SGCZ: variants seen among roughly 807,000 people sequenced by gnomAD.
SGCZ encodes the protein sarcoglycan zeta, also known as zeta-sarcoglycan.
SGCZ carries 40 observed loss-of-function variants against 41.3 expected under a neutral mutation model. That is an observed-to-expected ratio of 0.97 (90% CI 0.75 to 1.26). The LOEUF (loss-of-function observed/expected upper bound fraction) is 1.26. Ranked by LOEUF, SGCZ falls within the 50% of genes most tolerant of loss-of-function variation. SGCZ has a pLI of 0.00. For missense variants in SGCZ, 552 were observed against 369.8 expected (o/e 1.49, Z -4.04); for synonymous variants, 206 against 137.5 (o/e 1.50, Z -3.49).
intron 1 of SGCZ, among the ~76,000 whole-genome samples, chr8:15,057,318 G>T (rs890243985): frequency 6.6e-5 from 10 of 152,102 alleles, no homozygotes; most frequent in African/African-American, 2.4e-4. Flanking sequence ...TCTTTTCAGG[G>T]ACTCCCTACT....
intron 2 of SGCZ, among the ~76,000 whole-genome samples, chr8:14,372,415 T>A (rs1358201418): frequency 6.6e-6 from 1 of 152,160 alleles, no homozygotes; most frequent in African/African-American, 2.4e-5. Context: ...TCTTCTATGT[T>A]CTCAAGACAG....
intron 1 of SGCZ, among the ~76,000 whole-genome samples, chr8:14,906,237 A>G (rs1799117531): frequency 6.6e-6 from 1 of 152,132 alleles, no homozygotes; most frequent in African/African-American, 2.4e-5. Context: ...TATATAAGGA[A>G]CTGTTTGTGG....
At chr8:14,158,678 G>T (rs774956133) in intron 5 of SGCZ, among the ~76,000 whole-genome samples, 1 of 152,216 alleles carries the variant, frequency 6.6e-6, no homozygotes, top group Non-Finnish European at 1.5e-5. Flanking sequence ...GCAGCCAGCA[G>T]TGCAAATACC....
intron 1 of SGCZ, among the ~76,000 whole-genome samples, chr8:14,572,524 C>G (rs1255131128): frequency 2.6e-5 from 4 of 152,046 alleles, no homozygotes; most frequent in Non-Finnish European, 5.9e-5. Context: ...ATTATTATCC[C>G]TTTTTTATAA....
intron 4 of SGCZ, among the ~76,000 whole-genome samples, chr8:14,202,627 T>A (rs1306969111): frequency 6.6e-6 from 1 of 152,176 alleles, no homozygotes; most frequent in African/African-American, 2.4e-5. Context: ...AATATTTGAT[T>A]AAGATGTTTC....
intron 5 of SGCZ, among the ~76,000 whole-genome samples, chr8:14,138,828 G>A (rs936101227): frequency 6.6e-6 from 1 of 152,134 alleles, no homozygotes; most frequent in Non-Finnish European, 1.5e-5. Flanking sequence ...ACTCAGCTCT[G>A]CACCAAGCGG....
At chr8:14,261,664 G>A (rs192435775) in intron 3 of SGCZ, among the ~76,000 whole-genome samples, 59 of 152,226 alleles carry the variant, frequency 3.9e-4, no homozygotes, top group African/African-American at 4.6e-4. Flanking sequence ...AAAGAGTAAC[G>A]TTGATCATAC....
intron 1 of SGCZ, among the ~76,000 whole-genome samples, chr8:14,849,867 A>G (rs1311461760): frequency 6.6e-6 from 1 of 152,228 alleles, no homozygotes; most frequent in Non-Finnish European, 1.5e-5. Context: ...TATCTACGAT[A>G]GAAACTTTTT....
Position 14,435,875 on chromosome 8 carries a change from G to A in SGCZ, c.235-111671C>T, listed in dbSNP as rs576161093. On this transcript the variant is annotated intron_variant, in intron 2 of 7. Coordinates refer to ENST00000382080, the MANE Select transcript of SGCZ (RefSeq NM_139167.4). ...CAACATAAAAAGGCTTCAGTTTATT[G>A]TTATAAATATGTATCCTGTTGGGAG... 2.6e-5 allele frequency among the ~76,000 whole-genome samples: 4 copies of A among 152,260 alleles called. No homozygotes were observed. In the East Asian group the frequency reaches 7.7e-4, roughly 29 times the overall value.
chr8:15,033,513 G>C (rs1803761862), intron 1 of SGCZ, among the ~76,000 whole-genome samples: 1 of 151,998 alleles, frequency 6.6e-6, no homozygotes, highest in African/African-American at 2.4e-5. Flanking sequence ...GACCCCCCTG[G>C]ACTCAGGCTC....
intron 3 of SGCZ, among the ~76,000 whole-genome samples, chr8:14,271,061 C>A (rs1049680906): frequency 1.3e-5 from 2 of 151,912 alleles, no homozygotes; most frequent in Admixed American, 1.3e-4. Context: ...GTGGGCGGAG[C>A]GGGGAGGGAT....
At position 14,380,299 on chromosome 8, in the gene SGCZ, C is replaced by T. The variant is rs543996240; in HGVS notation, c.235-56095G>A. Among the ~76,000 whole-genome samples the T allele has an allele frequency of 1.3e-4, 20 of 152,122 alleles. 1 individual carries two copies. Among genetic ancestry groups the T allele is most frequent in the African/African-American group, 4.6e-4 (19 of 41,502 alleles). Reference sequence around the variant, plus strand: ...TTTCCTTTCTTTCATTTCTTTGATGCTTTTTCTTTTTCTTAAAGGCATTCT... The same window carrying T: ...TTTCCTTTCTTTCATTTCTTTGATGTTTTTTCTTTTTCTTAAAGGCATTCT... On this transcript the variant is annotated intron_variant, in intron 2 of 7. Transcript: ENST00000382080.
At chr8:14,449,206 T>A (rs1198662239) in intron 2 of SGCZ, among the ~76,000 whole-genome samples, 1 of 152,176 alleles carries the variant, frequency 6.6e-6, no homozygotes, top group Non-Finnish European at 1.5e-5. Flanking sequence ...GACCACAACT[T>A]AGGCAAATTT....
intron 5 of SGCZ, among the ~76,000 whole-genome samples, chr8:14,156,321 G>A (rs939909439): frequency 2.0e-5 from 3 of 151,982 alleles, no homozygotes; most frequent in Non-Finnish European, 4.4e-5. Flanking sequence ...TTAGCCGGGC[G>A]TGGTGGTGGT....
In SGCZ at chr8:14,411,602, G is replaced by T. The variant is rs185022934; in HGVS notation, c.235-87398C>A. 2.4e-3 allele frequency among the ~76,000 whole-genome samples: 359 copies of T among 151,950 alleles called. 1 individual carries two copies. The highest frequency in any genetic ancestry group is 8.1e-3 in the African/African-American group (336 of 41,486). ...TCCCCAAACCTCTAGGCTTTCTGAGGGTATGAGCCATATTTATTACTTTAG... is the reference window on the plus strand; with the variant it reads ...TCCCCAAACCTCTAGGCTTTCTGAGTGTATGAGCCATATTTATTACTTTAG... On this transcript the variant is annotated intron_variant, in intron 2 of 7. Transcript: ENST00000382080.
chr8:14,240,727 G>A (rs1207842102), intron 3 of SGCZ, among the ~76,000 whole-genome samples: 2 of 152,118 alleles, frequency 1.3e-5, no homozygotes, highest in Non-Finnish European at 2.9e-5. Context: ...TTTGATGCCT[G>A]TAGGATCATC....
At chr8:14,765,990 A>C (rs1439563650) in intron 1 of SGCZ, among the ~76,000 whole-genome samples, 1 of 147,956 alleles carries the variant, frequency 6.8e-6, no homozygotes, top group African/African-American at 2.5e-5. Flanking sequence ...TTTTTAACAG[A>C]GGCTGACTGT....
At chr8:15,051,369 T>C (rs1427550186) in intron 1 of SGCZ, among the ~76,000 whole-genome samples, 1 of 152,236 alleles carries the variant, frequency 6.6e-6, no homozygotes, top group Non-Finnish European at 1.5e-5. Context: ...CCTTAAATTG[T>C]TGTATAGAAT....
chr8:14,692,889 T>C (rs1219704570), intron 1 of SGCZ, among the ~76,000 whole-genome samples: 3 of 152,186 alleles, frequency 2.0e-5, no homozygotes, highest in East Asian at 1.9e-4. Context: ...ATATCGAAGA[T>C]GCAAAAGCAA....
Sources: gnomAD v4.1 joint callset for allele counts (sites outside exome capture counted in the v4.1 genomes callset) on GRCh38, gnomAD v4.1.1 for gene constraint, MANE v1.5 for transcripts, NCBI Gene and HGNC (gene_info 2026-07-23, HGNC 2026-07-21) for gene names.